GBE1: variants seen among roughly 807,000 people sequenced by gnomAD.
The protein encoded by GBE1 is 1,4-alpha-glucan-branching enzyme.
A neutral mutation model predicts 88.8 loss-of-function variants in GBE1; 70 were observed. That is an observed-to-expected ratio of 0.79 (90% CI 0.65 to 0.96). GBE1 has a LOEUF of 0.96. Ranked by LOEUF, GBE1 falls within the 40% of genes least tolerant of loss-of-function variation. The pLI is 0.00. For synonymous variants in GBE1, 284 were observed against 300.1 expected (o/e 0.95, Z 0.56); for missense variants, 872 against 871.0 (o/e 1.00, Z -0.01).
chr3:81,714,233 C>G (rs1409050383), intron 1 of GBE1, among the ~76,000 whole-genome samples: 2 of 152,104 alleles, frequency 1.3e-5, no homozygotes, highest in Non-Finnish European at 2.9e-5. Context: ...TTAGTGAGCA[C>G]CAATTATCCA....
chr3:81,642,340 T>C (rs1306227663), intron 7 of GBE1, among the ~76,000 whole-genome samples: 1 of 152,126 alleles, frequency 6.6e-6, no homozygotes, highest in Non-Finnish European at 1.5e-5. Context: ...GTAACTGTTG[T>C]TTTATAGTTA....
chr3:81,703,939 AAG>A (rs1356442448), intron 2 of GBE1, among the ~76,000 whole-genome samples: 1 of 151,994 alleles, frequency 6.6e-6, no homozygotes, highest in East Asian at 1.9e-4. Context: ...CATTTTATAC[AAG>A]AGACTTAAGC....
chr3:81,693,851 G>C (rs111513770), intron 2 of GBE1, among the ~76,000 whole-genome samples: 10 of 151,962 alleles, frequency 6.6e-5, no homozygotes, highest in African/African-American at 2.2e-4. Flanking sequence ...TTTTAACAGA[G>C]TAAGCACCTT....
At chr3:81,612,234 A>AAAC in intron 7 of GBE1, 1 of 506,686 alleles carries the variant, frequency 2.0e-6, no homozygotes, top group Non-Finnish European at 3.1e-6. Flanking sequence ...AAAAAAAAAA[A>AAAC]AAAAAAAAAC....
At chr3:81,586,615 A>G (rs1168394291) in intron 9 of GBE1, among the ~76,000 whole-genome samples, 2 of 152,276 alleles carry the variant, frequency 1.3e-5, no homozygotes, top group African/African-American at 4.8e-5. Flanking sequence ...TGTGAACACT[A>G]GCTTTTGATG....
At chr3:81,525,340 T>A (rs542772739) in intron 14 of GBE1, among the ~76,000 whole-genome samples, 10 of 152,212 alleles carry the variant, frequency 6.6e-5, no homozygotes, top group African/African-American at 2.4e-4. Flanking sequence ...CATTTAGTGA[T>A]TTGCATATGT....
intron 2 of GBE1, among the ~76,000 whole-genome samples, chr3:81,683,864 A>G (rs1705393985): frequency 6.6e-6 from 1 of 152,196 alleles, no homozygotes; most frequent in African/African-American, 2.4e-5. Flanking sequence ...GCTGTGAACA[A>G]CTTTATATCA....
chr3:81,619,720 A>G (rs1308008585), intron 7 of GBE1, among the ~76,000 whole-genome samples: 1 of 152,124 alleles, frequency 6.6e-6, no homozygotes, highest in East Asian at 1.9e-4. Flanking sequence ...GGAGACACTC[A>G]CATTTAAAAA....
intron 2 of GBE1, among the ~76,000 whole-genome samples, chr3:81,673,801 C>T (rs1705220409): frequency 6.6e-6 from 1 of 151,788 alleles, no homozygotes; most frequent in Non-Finnish European, 1.5e-5. Flanking sequence ...TTTGCATCTT[C>T]AAGAGTTTCA....
intron 7 of GBE1, among the ~76,000 whole-genome samples, chr3:81,606,659 G>A (rs1328777327): frequency 3.9e-5 from 6 of 152,140 alleles, no homozygotes; most frequent in Admixed American, 2.0e-4. Flanking sequence ...TATACTCTCT[G>A]CCTAGAATTC....
At chr3:81,702,601 C>T (rs974782411) in intron 2 of GBE1, among the ~76,000 whole-genome samples, 4 of 151,890 alleles carry the variant, frequency 2.6e-5, no homozygotes, top group Non-Finnish European at 5.9e-5. Context: ...CCCTTAGTTA[C>T]TAAATATTTG....
intron 14 of GBE1, among the ~76,000 whole-genome samples, chr3:81,526,229 G>A (rs1264182517): frequency 2.6e-5 from 4 of 151,694 alleles, no homozygotes; most frequent in African/African-American, 9.7e-5. Flanking sequence ...CTGGTATGTT[G>A]TGTCTTTGTT....
chr3:81,757,804 A>C (rs1439724661), intron 1 of GBE1, among the ~76,000 whole-genome samples: 3 of 152,344 alleles, frequency 2.0e-5, no homozygotes, highest in African/African-American at 7.2e-5. Context: ...CAAGATAAGG[A>C]GAAAGATCTA....
chr3:81,550,717 C>T (rs1032199796), intron 12 of GBE1, among the ~76,000 whole-genome samples: 13 of 152,150 alleles, frequency 8.5e-5, no homozygotes, highest in Non-Finnish European at 2.9e-5. Context: ...ATCCTCATTG[C>T]TATACGCCCA....
chr3:81,578,196 C>T (rs567703481), intron 11 of GBE1, 100 bp from the exon 12 acceptor site: 235 of 818,682 alleles, frequency 2.9e-4, no homozygotes, highest in Non-Finnish European at 3.8e-4. Context: ...TAGGAAACAT[C>T]GTAGAAGAGG....
chr3:81,614,288 T>C (rs1284110900), intron 7 of GBE1, among the ~76,000 whole-genome samples: 1 of 152,166 alleles, frequency 6.6e-6, no homozygotes, highest in African/African-American at 2.4e-5. Flanking sequence ...CAATCTAATC[T>C]AGGGGGGGAA....
At chr3:81,528,916 T>A (rs765114842) in intron 14 of GBE1, among the ~76,000 whole-genome samples, 18 of 152,046 alleles carry the variant, frequency 1.2e-4, no homozygotes, top group Non-Finnish European at 5.9e-5. Context: ...GGTTTTGTAT[T>A]TTTATCCATT....
intron 3 of GBE1, among the ~76,000 whole-genome samples, chr3:81,662,233 T>C (rs1242361318): frequency 6.6e-6 from 1 of 152,158 alleles, no homozygotes; most frequent in Non-Finnish European, 1.5e-5. Flanking sequence ...GTTTTCTCTA[T>C]GTTGGTCAGG....
chr3:81,673,208 T>C (rs964111505), intron 2 of GBE1, among the ~76,000 whole-genome samples: 1 of 151,916 alleles, frequency 6.6e-6, no homozygotes, highest in Non-Finnish European at 1.5e-5. Context: ...TAGAACACTA[T>C]ATGATTCCTG....
Sources: gnomAD v4.1 joint callset for allele counts (sites outside exome capture counted in the v4.1 genomes callset) on GRCh38, gnomAD v4.1.1 for gene constraint, MANE v1.5 for transcripts, NCBI Gene and HGNC (gene_info 2026-07-23, HGNC 2026-07-21) for gene names.